The following COL25A1 variants were observed in gnomAD, a reference collection of about 807,000 sequenced individuals.
The protein encoded by COL25A1 is collagen type XXV alpha 1 chain.
In COL25A1, 103 loss-of-function variants were observed where a neutral mutation model predicts 128.4. The observed-to-expected ratio is 0.80, with a 90% CI of 0.68 to 0.94. COL25A1 has a LOEUF of 0.94. COL25A1 is among the 40% of genes least tolerant of loss of function. The pLI is 0.00. For missense variants in COL25A1, 745 were observed against 840.0 expected, an observed-to-expected ratio of 0.89 and a Z score of 1.40; for synonymous variants, 279 against 277.2, an observed-to-expected ratio of 1.01 and a Z score of -0.06.
chr4:108,852,217 C>T lies in COL25A1; in HGVS notation c.1389+19G>A, dbSNP rs112750028. 5.0e-6 allele frequency: 8 copies of T among 1,595,684 alleles called. No individual in the cohort carries two copies. Among genetic ancestry groups the T allele is most frequent in the African/African-American group, 2.7e-5 (2 of 74,164 alleles). Reference sequence around the variant, plus strand: ...CTGCACTGTATGTGATAAATGGAAACAAGTAAATAAAGAATAACCTTTGGC... The same window carrying T: ...CTGCACTGTATGTGATAAATGGAAATAAGTAAATAAAGAATAACCTTTGGC... On this transcript the variant is annotated intron_variant, in intron 26 of 37. Coordinates refer to ENST00000399132, the MANE Select transcript of COL25A1 (RefSeq NM_198721.4).
chr4:109,059,895 A>G (rs78872189), intron 3 of COL25A1, among the ~76,000 whole-genome samples: 8,680 of 152,272 alleles, frequency 0.057, 368 homozygotes, highest in Non-Finnish European at 0.085. Context: ...AAATAACAGT[A>G]ACACTTCTGT....
chr4:109,283,810 A>G (rs1392688980), intron 3 of COL25A1, among the ~76,000 whole-genome samples: 3 of 152,190 alleles, frequency 2.0e-5, no homozygotes. Context: ...GTTGAGAAAC[A>G]CTTTCTTTAC....
intron 3 of COL25A1, among the ~76,000 whole-genome samples, chr4:109,158,824 T>C (rs1193632090): frequency 2.0e-5 from 3 of 152,240 alleles, no homozygotes; most frequent in Non-Finnish European, 4.4e-5. Context: ...GAAATGGTTA[T>C]GTGTTGAACA....
At chr4:109,097,505 T>C (rs960774667) in intron 3 of COL25A1, among the ~76,000 whole-genome samples, 1 of 150,228 alleles carries the variant, frequency 6.7e-6, no homozygotes, top group Non-Finnish European at 1.5e-5. Flanking sequence ...CCCAGCTACC[T>C]GGGAGTGTGA....
rs538241762 is a variant in COL25A1 at position 108,816,624 on chromosome 4, T to C, written c.1962+773A>G. 2.3e-4 allele frequency among the ~76,000 whole-genome samples: 35 copies of C among 152,264 alleles called. No individual in the cohort carries two copies. In the South Asian group the frequency reaches 7.1e-3, roughly 31 times the overall value. On this transcript the variant is annotated intron_variant, in intron 37 of 37. Coordinates refer to ENST00000399132, the MANE Select transcript of COL25A1 (RefSeq NM_198721.4). The stretch of plus-strand genomic sequence containing the variant: ...CTTACAGTTTTACTGTTGCTTTCCA[T>C]TGTCTCTCTCTCTCCCTCTCCTAGT...
chr4:108,864,498 G>C (rs371079989), intron 20 of COL25A1, among the ~76,000 whole-genome samples: 1 of 152,142 alleles, frequency 6.6e-6, no homozygotes, highest in Non-Finnish European at 1.5e-5. Flanking sequence ...AAAAGTGTTC[G>C]GGTTTTACAG....
chr4:108,842,408 A>G (rs1360125957), intron 30 of COL25A1, among the ~76,000 whole-genome samples: 1 of 152,210 alleles, frequency 6.6e-6, no homozygotes, highest in Non-Finnish European at 1.5e-5. Flanking sequence ...CAAAACACAT[A>G]CTTTGTAGAA....
Position 109,254,505 on chromosome 4 carries a change from A to ATATATATATATATATATGTG in COL25A1, c.367+46077_367+46078insCACATATATATATATATATA, listed in dbSNP as rs1383703429. Among the ~76,000 whole-genome samples, 171 of 104,904 alleles carry ATATATATATATATATATGTG rather than the reference A, an allele frequency of 1.6e-3. 1 individual carries two copies. Among genetic ancestry groups the ATATATATATATATATATGTG allele is most frequent in the Middle Eastern group, 6.3e-3 (1 of 160 alleles). 68.8% of individuals were successfully genotyped at this position (104,904 alleles called of 152,430 possible). A position where few individuals can be genotyped will look rare whatever the true frequency, so the allele number is the denominator to read the frequency against. Reference sequence around the variant, plus strand: ...TATATATATATATATATATATATATATGTATGTGTGTATATACATATACAT... The same window carrying ATATATATATATATATATGTG: ...TATATATATATATATATATATATATATATATATATATATATATGTGTGTATGTGTGTATATACATATACAT... On this transcript the variant is annotated intron_variant, in intron 3 of 37. Transcript: ENST00000399132.
intron 13 of COL25A1, among the ~76,000 whole-genome samples, chr4:108,913,547 C>T (rs772269264): frequency 7.2e-5 from 11 of 151,992 alleles, no homozygotes; most frequent in African/African-American, 2.2e-4. Context: ...CGTGAGACAC[C>T]GCACCCGACC....
intron 3 of COL25A1, among the ~76,000 whole-genome samples, chr4:109,081,659 C>T (rs1464930513): frequency 6.6e-6 from 1 of 152,112 alleles, no homozygotes; most frequent in Non-Finnish European, 1.5e-5. Context: ...AACCCATCTC[C>T]ACCCCCAACC....
chr4:109,239,388 GTGTGTGTATA>G (rs1481322769), intron 3 of COL25A1, among the ~76,000 whole-genome samples: 61 of 90,180 alleles, frequency 6.8e-4, no homozygotes, highest in African/African-American at 2.0e-3. Flanking sequence ...GTGTGTGTGT[GTGTGTGTATA>G]TATATATATA....
chr4:108,861,471 G>A (rs943439276), intron 22 of COL25A1, among the ~76,000 whole-genome samples: 10 of 152,162 alleles, frequency 6.6e-5, no homozygotes, highest in Non-Finnish European at 1.2e-4. Context: ...TCTGATGATG[G>A]GGATCTAAGG....
At chr4:109,170,371 A>C (rs897906496) in intron 3 of COL25A1, among the ~76,000 whole-genome samples, 1 of 152,202 alleles carries the variant, frequency 6.6e-6, no homozygotes, top group African/African-American at 2.4e-5. Flanking sequence ...CAAATAGAGA[A>C]CTGGATTTAC....
At chr4:109,070,673 C>T (rs1025982161) in intron 3 of COL25A1, among the ~76,000 whole-genome samples, 1 of 147,562 alleles carries the variant, frequency 6.8e-6, no homozygotes, top group African/African-American at 2.5e-5. Flanking sequence ...ACTCCTAATG[C>T]TATCCCTCCC....
At chr4:109,000,844 G>T (rs1755298332) in intron 6 of COL25A1, among the ~76,000 whole-genome samples, 1 of 148,504 alleles carries the variant, frequency 6.7e-6, no homozygotes, top group African/African-American at 2.5e-5. Flanking sequence ...GGAGAGTAAA[G>T]ACTTCTTAAT....
At position 109,291,235 on chromosome 4, in the gene COL25A1, T is replaced by G. The variant is rs1304337377; in HGVS notation, c.367+9348A>C. On this transcript the variant is annotated intron_variant, in intron 3 of 37. Transcript: ENST00000399132. ...AGGTAGAGTATTGTCTTTCAAATTTTCTTTTGCAGTACTTATTACAGTACG... is the reference window on the plus strand; with the variant it reads ...AGGTAGAGTATTGTCTTTCAAATTTGCTTTTGCAGTACTTATTACAGTACG... 2.6e-5 allele frequency among the ~76,000 whole-genome samples: 4 copies of G among 152,124 alleles called. No individual in the cohort carries two copies. In the East Asian group the frequency reaches 7.7e-4, roughly 29 times the overall value.
At chr4:108,866,942 C>G (rs1738004575) in intron 20 of COL25A1, among the ~76,000 whole-genome samples, 2 of 152,166 alleles carry the variant, frequency 1.3e-5, no homozygotes, top group Admixed American at 1.3e-4. Flanking sequence ...CTATCCATAT[C>G]CCTTCTGTGG....
At chr4:108,929,567 C>T (rs1430537815) in intron 11 of COL25A1, among the ~76,000 whole-genome samples, 6 of 151,458 alleles carry the variant, frequency 4.0e-5, no homozygotes, top group South Asian at 4.2e-4. Context: ...GCAGGCTGGG[C>T]GTGGTGGCTC....
intron 5 of COL25A1, among the ~76,000 whole-genome samples, chr4:109,024,477 TAAAA>T (rs1410432109): frequency 6.6e-6 from 1 of 151,708 alleles, no homozygotes; most frequent in Non-Finnish European, 1.5e-5. Flanking sequence ...TAAATCTATC[TAAAA>T]AAAGAAAGAG....
Sources: allele counts gnomAD v4.1 joint callset (sites outside exome capture counted in the v4.1 genomes callset), GRCh38; gene constraint gnomAD v4.1.1; transcripts MANE v1.5; gene names NCBI Gene and HGNC (gene_info 2026-07-23, HGNC 2026-07-21).